The following SETD9 variants were observed in gnomAD, a reference collection of about 807,000 sequenced individuals.
SETD9 encodes the protein SET domain-containing protein 9.
Under a neutral mutation model 36.4 loss-of-function variants are expected in SETD9, and 37 were observed. That is an observed-to-expected ratio of 1.02 (90% CI 0.78 to 1.34). SETD9 has a LOEUF of 1.34. Among genes scored for constraint, SETD9 ranks in the 40% most tolerant of loss-of-function variants. The pLI is 0.00. For synonymous variants in SETD9, 128 were observed against 132.9 expected (o/e 0.96, Z 0.26); for missense variants, 323 against 353.2 (o/e 0.91, Z 0.69).
At position 56,912,311 on chromosome 5, in the gene SETD9, G is replaced by A. The variant is rs546587969; in HGVS notation, c.467-700G>A. On this transcript the variant is annotated intron_variant, in intron 2 of 5. Transcript: ENST00000285947. ...TTAACTAGAATGCTAAATAGACTAC[G>A]TTATGTGTTAAACTAACATTATATT... 31 of 798,976 alleles carry A rather than the reference G, an allele frequency of 3.9e-5. No individual in the cohort carries two copies. In the South Asian group the frequency reaches 1.3e-3, roughly 32 times the overall value. The allele number at this position is 798,976 out of a possible 1,614,324, so 49.5% of individuals were successfully genotyped here.
intron 5 of SETD9, 39 bp downstream of exon 5, chr5:56,915,005 T>C: frequency 7.1e-7 from 1 of 1,398,790 alleles, no homozygotes; most frequent in South Asian, 1.5e-5. Flanking sequence ...CTTCTGCTTA[T>C]GCTGTACTTA....
intron 1 of SETD9, chr5:56,909,945 G>T (rs995530370): frequency 8.8e-6 from 10 of 1,132,364 alleles, no homozygotes; most frequent in Non-Finnish European, 1.2e-5. Flanking sequence ...GGCCAGAGGC[G>T]GGCGGGGCCG....
rs987006005 is a variant in SETD9, at chr5:56,916,207, C to T, written c.813-608C>T. ...AGGAGTTTGAGAACAGCCTGACCAA[C>T]ATGGTGAAACCTCATCTCTACTAAA... On this transcript the variant is annotated intron_variant, in intron 5 of 5. Transcript: ENST00000285947. Among the ~76,000 whole-genome samples the T allele has an allele frequency of 5.3e-5, 8 of 152,166 alleles. No homozygotes were observed. The East Asian group carries it at 1.3e-3, about 26-fold the overall frequency.
chr5:56,928,891 G>C, downstream of SETD9: 2 of 1,538,194 alleles, frequency 1.3e-6, no homozygotes, highest in South Asian at 1.2e-5. Flanking sequence ...AAAATTTATG[G>C]GCCCCCAAAT....
intron 2 of SETD9, 49 bp from the exon 3 acceptor site, chr5:56,912,962 T>C (rs1749223124): frequency 6.3e-7 from 1 of 1,584,784 alleles, no homozygotes; most frequent in African/African-American, 1.4e-5. Flanking sequence ...TCGCAGTGTT[T>C]ATGATTTTTC....
chr5:56,911,689 A>C, intron 2 of SETD9, 153 bp downstream of exon 2: 2 of 779,398 alleles, frequency 2.6e-6, no homozygotes, highest in Non-Finnish European at 3.7e-6. Context: ...TTCGGAAATT[A>C]ACTGTTTGTA....
At chr5:56,924,778 C>T (rs1029121848) in intron 5 of SETD9, among the ~76,000 whole-genome samples, 4 of 152,236 alleles carry the variant, frequency 2.6e-5, no homozygotes, top group African/African-American at 9.6e-5. Context: ...CAAAATTCTT[C>T]ATCCTTATCC....
intron 5 of SETD9, among the ~76,000 whole-genome samples, chr5:56,924,596 A>G (rs1194870189): frequency 6.6e-6 from 1 of 152,228 alleles, no homozygotes. Context: ...GGAATTTAAG[A>G]TGACTTGCTA....
In SETD9 at chr5:56,914,065, C is replaced by T. The variant is rs1335175231; in HGVS notation, c.706+76C>T. The T allele has an allele frequency of 1.0e-5, 11 of 1,067,392 alleles. No homozygotes were observed. The African/African-American group carries it at 1.7e-4, about 16-fold the overall frequency. 66.1% of individuals were successfully genotyped at this position (1,067,392 alleles called of 1,614,324 possible). Reference sequence around the variant, plus strand: ...TACTCCTTTGTCATATGACTGAGTGCCAAGGGCAGTTGAGTATAACATATA... The same window carrying T: ...TACTCCTTTGTCATATGACTGAGTGTCAAGGGCAGTTGAGTATAACATATA... On this transcript the variant is annotated intron_variant, in intron 4 of 5. Transcript: ENST00000285947.
Position 56,916,903 on chromosome 5 carries a change from C to A in SETD9, c.*1C>A. ...AAACTACTACACAATTGTCAGCTAA[C>A]TCTGTGAATCAGAAATTATTAGGTT... On this transcript the variant is annotated 3_prime_UTR_variant, in exon 6 of 6. Transcript: ENST00000285947. 6.3e-7 allele frequency: 1 copy of A among 1,594,778 alleles called. No individual in the cohort carries two copies. The highest frequency in any genetic ancestry group is 8.5e-7 in the Non-Finnish European group (1 of 1,173,714).
intron 5 of SETD9, chr5:56,923,231 A>G (rs766384916): frequency 6.2e-7 from 1 of 1,614,056 alleles, no homozygotes; most frequent in Non-Finnish European, 8.5e-7. Flanking sequence ...AGAAACAGCC[A>G]TTTTGGCACT....
Position 56,917,102 on chromosome 5 carries a change from T to G in SETD9, c.*200T>G. ...TACTTGCTTCATTACAATTTCAAAT[T>G]TGTAATGCAATTCCAAGTTTAATTG... On this transcript the variant is annotated 3_prime_UTR_variant, in exon 6 of 6. Transcript: ENST00000285947. The G allele has an allele frequency of 8.0e-7, 1 of 1,254,352 alleles. No individual in the cohort carries two copies. Among genetic ancestry groups the G allele is most frequent in the Non-Finnish European group, 1.0e-6 (1 of 1,001,650 alleles). The allele number at this position is 1,254,352 out of a possible 1,614,324, so 77.7% of individuals were successfully genotyped here.
At chr5:56,921,512 T>G (rs988260530), downstream of SETD9, 2 of 152,644 alleles carry the variant, frequency 1.3e-5, no homozygotes, top group Non-Finnish European at 2.9e-5. Flanking sequence ...AATGTGCTAC[T>G]GCGTAAACAC....
At chr5:56,909,579 C>A, upstream of SETD9, 1 of 1,320,746 alleles carries the variant, frequency 7.6e-7, no homozygotes, top group Non-Finnish European at 1.0e-6. Context: ...CCTCCCGGGC[C>A]GGGGCGGGCC....
At position 56,917,075 on chromosome 5, in the gene SETD9, G is replaced by C. The variant is rs2112038249; in HGVS notation, c.*173G>C. On this transcript the variant is annotated 3_prime_UTR_variant, in exon 6 of 6. Transcript: ENST00000285947. ...TTTATGTTCCAATTTCATGATAAAA[G>C]CTACTTGCTTCATTACAATTTCAAA... The C allele has an allele frequency of 7.7e-7, 1 of 1,293,374 alleles. No individual in the cohort carries two copies. The highest frequency in any genetic ancestry group is 1.6e-5 in the African/African-American group (1 of 64,466). The allele number at this position is 1,293,374 out of a possible 1,614,324, so 80.1% of individuals were successfully genotyped here.
chr5:56,917,351 G>T, downstream of SETD9: 1 of 978,950 alleles, frequency 1.0e-6, no homozygotes, highest in Non-Finnish European at 1.2e-6. Context: ...TGAGTAAATT[G>T]GTGTGTCTAT....
In SETD9 at chr5:56,916,959, T is replaced by G; in HGVS notation, c.*57T>G. 1 of 1,530,370 alleles carries G rather than the reference T, an allele frequency of 6.5e-7. No individual in the cohort carries two copies. Among genetic ancestry groups the G allele is most frequent in the Non-Finnish European group, 8.7e-7 (1 of 1,146,140 alleles). 94.8% of individuals were successfully genotyped at this position (1,530,370 alleles called of 1,614,324 possible). On this transcript the variant is annotated 3_prime_UTR_variant, in exon 6 of 6. Transcript: ENST00000285947. ...CTCAGCTATTAATTCTAAGTGTTTT[T>G]TGTTAATCACTTCTCTGAGTTCTAC... is the stretch of plus-strand genomic sequence containing the variant.
chr5:56,915,271 T>C (rs1402326376), intron 5 of SETD9, among the ~76,000 whole-genome samples: 1 of 152,204 alleles, frequency 6.6e-6, no homozygotes, highest in Non-Finnish European at 1.5e-5. Flanking sequence ...TCTTCAAATA[T>C]ATCTTTACTT....
At chr5:56,913,802 T>A in intron 3 of SETD9, 72 bp from the exon 4 acceptor site, 1 of 905,662 alleles carries the variant, frequency 1.1e-6, no homozygotes, top group Non-Finnish European at 1.7e-6. Flanking sequence ...ACTGGTGTAA[T>A]TCTAGGGTTT....
Sources: gnomAD v4.1 joint callset for allele counts (sites outside exome capture counted in the v4.1 genomes callset) on GRCh38, gnomAD v4.1.1 for gene constraint, MANE v1.5 for transcripts, NCBI Gene and HGNC (gene_info 2026-07-23, HGNC 2026-07-21) for gene names.